RXFP1: variants seen among roughly 807,000 people sequenced by gnomAD.
RXFP1 encodes relaxin family peptide receptor 1, also known as relaxin receptor 1.
A neutral mutation model predicts 89.8 loss-of-function variants in RXFP1; 73 were observed. That is an observed-to-expected ratio of 0.81 (90% CI 0.67 to 0.99). The LOEUF (loss-of-function observed/expected upper bound fraction) is 0.99, where lower values mean the gene tolerates loss of function less well. Among genes scored for constraint, RXFP1 ranks in the 50% least tolerant of loss-of-function variants. The pLI is 0.00. For missense variants in RXFP1, 793 were observed against 895.5 expected, an observed-to-expected ratio of 0.89 and a Z score of 1.46; for synonymous variants, 277 against 305.5, an observed-to-expected ratio of 0.91 and a Z score of 0.97.
At chr4:158,642,907 T>G (rs1409545731) in intron 14 of RXFP1, among the ~76,000 whole-genome samples, 1 of 152,174 alleles carries the variant, frequency 6.6e-6, no homozygotes, top group African/African-American at 2.4e-5. Flanking sequence ...GTCTTCCAGT[T>G]CTGTGGTGAA....
At chr4:158,569,506 G>A (rs1754582965) in intron 1 of RXFP1, among the ~76,000 whole-genome samples, 1 of 152,196 alleles carries the variant, frequency 6.6e-6, no homozygotes, top group Admixed American at 6.5e-5. Context: ...TGTTGATGGT[G>A]GAGGAGGCAG....
intron 2 of RXFP1, among the ~76,000 whole-genome samples, chr4:158,583,371 C>T (rs1757731019): frequency 6.6e-6 from 1 of 152,154 alleles, no homozygotes. Flanking sequence ...GAGACATTAG[C>T]GGTTCTCATT....
chr4:158,575,955 G>A (rs1756100584), intron 2 of RXFP1, among the ~76,000 whole-genome samples: 1 of 152,096 alleles, frequency 6.6e-6, no homozygotes, highest in African/African-American at 2.4e-5. Context: ...GGCAGTTCTG[G>A]TCTCAGCTGG....
intron 5 of RXFP1, among the ~76,000 whole-genome samples, chr4:158,606,355 A>C (rs188105057): frequency 6.6e-6 from 1 of 152,352 alleles, no homozygotes; most frequent in Admixed American, 6.5e-5. Flanking sequence ...GGATGAATTA[A>C]TTCCTGAATG....
intron 10 of RXFP1, among the ~76,000 whole-genome samples, chr4:158,628,231 G>A (rs189231306): frequency 7.2e-5 from 11 of 152,256 alleles, no homozygotes; most frequent in Non-Finnish European, 1.3e-4. Context: ...AGATCCGCCC[G>A]AAATCACATC....
intron 5 of RXFP1, chr4:158,607,172 T>C (rs1345390209): frequency 7.3e-7 from 1 of 1,376,574 alleles, no homozygotes; most frequent in African/African-American, 1.4e-5. Context: ...GTGGGTGCAA[T>C]GATGCAATAG....
chr4:158,637,547 G>A lies in RXFP1; in HGVS notation c.972-461G>A, dbSNP rs77945588. 5.0e-3 allele frequency among the ~76,000 whole-genome samples: 761 copies of A among 152,230 alleles called. 2 individuals are homozygous for A. The highest frequency in any genetic ancestry group is 8.8e-3 in the Non-Finnish European group (596 of 67,982). ...ATTTATATGTCTTCTTTTGAAAAAT[G>A]TCTATTCAAGCCCTTTCCCTAATTT... is the stretch of plus-strand genomic sequence containing the variant. On this transcript the variant is annotated intron_variant, in intron 12 of 17. Coordinates refer to ENST00000307765, the MANE Select transcript of RXFP1 (RefSeq NM_021634.4).
intron 1 of RXFP1, among the ~76,000 whole-genome samples, chr4:158,538,293 G>A (rs980816056): frequency 2.0e-5 from 3 of 152,188 alleles, no homozygotes; most frequent in Admixed American, 1.3e-4. Flanking sequence ...AGAGGCAGGC[G>A]TGGAAGCAGG....
chr4:158,570,011 A>G (rs1754698882), intron 1 of RXFP1, among the ~76,000 whole-genome samples: 1 of 152,238 alleles, frequency 6.6e-6, no homozygotes, highest in Admixed American at 6.5e-5. Flanking sequence ...AGGGGTATAA[A>G]TATAGCAAAT....
At chr4:158,644,132 C>T (rs13141580) in intron 14 of RXFP1, among the ~76,000 whole-genome samples, 134,835 of 149,634 alleles carry the variant, frequency 0.9, 62,365 homozygotes, top group East Asian at 1. Context: ...CTGCAAGCTC[C>T]GCCTCCCAGG....
intron 1 of RXFP1, among the ~76,000 whole-genome samples, chr4:158,522,245 C>T (rs748304755): frequency 1.4e-4 from 21 of 152,118 alleles, no homozygotes; most frequent in Non-Finnish European, 2.8e-4. Context: ...ACTGATGTGC[C>T]GTGTAAACCT....
At position 158,652,312 on chromosome 4, in the gene RXFP1, T is replaced by C. The variant is rs1772891311; in HGVS notation, c.*257T>C. ...CTTCAGTAACATTCATTCATTTTTCTAACATGCATTTATTGAGTACCCACT... is the reference window on the plus strand; with the variant it reads ...CTTCAGTAACATTCATTCATTTTTCCAACATGCATTTATTGAGTACCCACT... On this transcript the variant is annotated 3_prime_UTR_variant, in exon 18 of 18. Transcript: ENST00000307765. 2.7e-6 allele frequency: 1 copy of C among 373,070 alleles called. No homozygotes were observed. Among genetic ancestry groups the C allele is most frequent in the African/African-American group, 2.1e-5 (1 of 47,976 alleles). 23.1% of individuals were successfully genotyped at this position (373,070 alleles called of 1,614,324 possible). A position where few individuals can be genotyped will look rare whatever the true frequency, so the allele number is the denominator to read the frequency against.
At chr4:158,553,968 C>T (rs1319850934) in intron 1 of RXFP1, among the ~76,000 whole-genome samples, 1 of 152,142 alleles carries the variant, frequency 6.6e-6, no homozygotes, top group Non-Finnish European at 1.5e-5. Context: ...CTGGGCACCG[C>T]TGACATTTTT....
chr4:158,635,659 T>C (rs1043237475), intron 12 of RXFP1, among the ~76,000 whole-genome samples: 3 of 152,144 alleles, frequency 2.0e-5, no homozygotes, highest in African/African-American at 7.2e-5. Flanking sequence ...TATACATCCT[T>C]TATTATGTGA....
chr4:158,586,698 G>T (rs1037355654), intron 2 of RXFP1, among the ~76,000 whole-genome samples: 1 of 152,168 alleles, frequency 6.6e-6, no homozygotes, highest in Non-Finnish European at 1.5e-5. Flanking sequence ...TCTGCTTTCT[G>T]CCTTCTGGTG....
chr4:158,638,178 T>C, intron 13 of RXFP1, 99 bp downstream of exon 13: 2 of 676,976 alleles, frequency 3.0e-6, no homozygotes, highest in South Asian at 4.4e-5. Context: ...TAAGCTTTAT[T>C]TCCAAGACAT....
At chr4:158,540,963 C>T (rs887276737) in intron 1 of RXFP1, among the ~76,000 whole-genome samples, 1 of 152,214 alleles carries the variant, frequency 6.6e-6, no homozygotes, top group South Asian at 2.1e-4. Context: ...ATTAAACTTA[C>T]CGGCAAGTAG....
intron 1 of RXFP1, among the ~76,000 whole-genome samples, chr4:158,542,132 G>C (rs1746963940): frequency 1.5e-5 from 1 of 65,266 alleles, no homozygotes; most frequent in Non-Finnish European, 3.4e-5. Flanking sequence ...TAGAGACAGG[G>C]TTTCACCACA....
chr4:158,562,056 T>C (rs1752560988), intron 1 of RXFP1, among the ~76,000 whole-genome samples: 1 of 152,174 alleles, frequency 6.6e-6, no homozygotes, highest in Admixed American at 6.5e-5. Context: ...TCTTACAACG[T>C]AAAATCACAA....
Sources: allele counts gnomAD v4.1 joint callset (sites outside exome capture counted in the v4.1 genomes callset), GRCh38; gene constraint gnomAD v4.1.1; transcripts MANE v1.5; gene names NCBI Gene and HGNC (gene_info 2026-07-23, HGNC 2026-07-21).